Variants in NXN observed in about 807,000 individuals in gnomAD.
NXN encodes the protein nucleoredoxin 1.
In NXN, 16 loss-of-function variants were observed where a neutral mutation model predicts 48.6. The observed-to-expected ratio is 0.33, with a 90% CI of 0.22 to 0.50. NXN has a LOEUF of 0.50. Ranked by LOEUF, NXN falls within the 20% of genes least tolerant of loss-of-function variation. The probability of loss-of-function intolerance (pLI) is 0.98; values close to 1 mark genes in which losing one functional copy is unlikely to be tolerated. For synonymous variants in NXN, 281 were observed against 269.6 expected (o/e 1.04, Z -0.41); for missense variants, 492 against 605.5 (o/e 0.81, Z 1.97).
At chr17:869,101 C>G (rs986521099) in intron 1 of NXN, among the ~76,000 whole-genome samples, 3 of 152,190 alleles carry the variant, frequency 2.0e-5, no homozygotes, top group Non-Finnish European at 4.4e-5. Flanking sequence ...ACCCTCCACA[C>G]AGATGAACCT....
intron 5 of NXN, among the ~76,000 whole-genome samples, chr17:815,867 C>G (rs955824977): frequency 6.6e-6 from 1 of 152,220 alleles, no homozygotes; most frequent in Non-Finnish European, 1.5e-5. Context: ...TGTGCACACA[C>G]GTGCACACAC....
chr17:865,497 C>T (rs2068086350), intron 1 of NXN, among the ~76,000 whole-genome samples: 1 of 151,724 alleles, frequency 6.6e-6, no homozygotes, highest in South Asian at 2.1e-4. Context: ...CCACCTCGGC[C>T]TCCCACAGTG....
At chr17:976,222 T>A (rs1197450525) in intron 1 of NXN, among the ~76,000 whole-genome samples, 1 of 151,716 alleles carries the variant, frequency 6.6e-6, no homozygotes, top group Non-Finnish European at 1.5e-5. Flanking sequence ...ACAGTTCCTG[T>A]CAAGGTGAGA....
intron 1 of NXN, among the ~76,000 whole-genome samples, chr17:888,085 G>A (rs1016124233): frequency 6.6e-6 from 1 of 152,134 alleles, no homozygotes; most frequent in African/African-American, 2.4e-5. Context: ...GGGTTCATAC[G>A]ACACGGATGG....
intron 1 of NXN, among the ~76,000 whole-genome samples, chr17:895,863 T>C (rs1409182771): frequency 1.3e-5 from 2 of 151,832 alleles, no homozygotes; most frequent in Non-Finnish European, 2.9e-5. Context: ...TTAATTCTTC[T>C]CAACAATGTA....
chr17:857,622 T>C (rs1228801798), intron 1 of NXN, among the ~76,000 whole-genome samples: 1 of 152,214 alleles, frequency 6.6e-6, no homozygotes, highest in East Asian at 1.9e-4. Context: ...AAAACTACCG[T>C]GAAACCTTCA....
At chr17:972,827 C>T (rs933316861) in intron 1 of NXN, among the ~76,000 whole-genome samples, 1 of 152,078 alleles carries the variant, frequency 6.6e-6, no homozygotes, top group Non-Finnish European at 1.5e-5. Context: ...GTCAGGAGAT[C>T]GAGACCATCA....
chr17:802,705 C>G (rs1335647405), intron 7 of NXN, among the ~76,000 whole-genome samples: 1 of 152,164 alleles, frequency 6.6e-6, no homozygotes, highest in Non-Finnish European at 1.5e-5. Context: ...CCTCCACCCC[C>G]GGGCTGAGCA....
In NXN at chr17:825,937, C is replaced by A; in HGVS notation, c.478+24G>T. On this transcript the variant is annotated intron_variant, in intron 2 of 7. Transcript: ENST00000336868. The surrounding 1 kb of genome is among the most constrained non-coding windows in gnomAD (Gnocchi z 4.1). The stretch of plus-strand genomic sequence containing the variant: ...AGGGAGGGCTGGGTAATAAGAGGAC[C>A]ATATGCACGGGCTGAGGTTTTACCT... The A allele has an allele frequency of 6.8e-7, 1 of 1,464,986 alleles. No individual in the cohort carries two copies. Among genetic ancestry groups the A allele is most frequent in the South Asian group, 1.2e-5 (1 of 83,536 alleles). The allele number at this position is 1,464,986 out of a possible 1,614,324, so 90.7% of individuals were successfully genotyped here.
intron 1 of NXN, among the ~76,000 whole-genome samples, chr17:971,942 G>T (rs1178774127): frequency 1.3e-5 from 2 of 152,072 alleles, no homozygotes; most frequent in Non-Finnish European, 2.9e-5. Flanking sequence ...GAGGCGGGTG[G>T]ATCACCTGAG....
chr17:845,403 G>T (rs11652822), intron 1 of NXN, among the ~76,000 whole-genome samples: 4,889 of 151,790 alleles, frequency 0.032, 201 homozygotes, highest in East Asian at 0.22. Flanking sequence ...CAACATCCGA[G>T]AGAGAATTCC....
intron 1 of NXN, among the ~76,000 whole-genome samples, chr17:836,963 CTAT>C (rs5818770): frequency 4.6e-4 from 66 of 144,892 alleles, no homozygotes; most frequent in Non-Finnish European, 6.3e-4. Context: ...AGCTTAGTTG[CTAT>C]TATTATTATT....
chr17:876,099 T>C (rs145583729), intron 1 of NXN, among the ~76,000 whole-genome samples: 4,173 of 151,660 alleles, frequency 0.028, 70 homozygotes, highest in Non-Finnish European at 0.036. Context: ...GAGAATCGCT[T>C]GAACCTGGGG....
chr17:973,257 G>A (rs917059577), intron 1 of NXN, among the ~76,000 whole-genome samples: 4 of 152,160 alleles, frequency 2.6e-5, no homozygotes, highest in Non-Finnish European at 2.9e-5. Flanking sequence ...GAGCTGGGAC[G>A]GGAGGCAGGT....
At chr17:941,342 C>T (rs1386203932) in intron 1 of NXN, among the ~76,000 whole-genome samples, 2 of 149,148 alleles carry the variant, frequency 1.3e-5, no homozygotes, top group African/African-American at 2.5e-5. Context: ...ATTCACCACA[C>T]ACCTCCCTGG....
At chr17:853,265 G>A (rs2067944732) in intron 1 of NXN, among the ~76,000 whole-genome samples, 1 of 152,134 alleles carries the variant, frequency 6.6e-6, no homozygotes, top group Non-Finnish European at 1.5e-5. Flanking sequence ...CCAGCACGGT[G>A]AAACCTCGTC....
intron 1 of NXN, among the ~76,000 whole-genome samples, chr17:914,601 A>G (rs552422850): frequency 6.6e-6 from 1 of 152,360 alleles, no homozygotes; most frequent in Non-Finnish European, 1.5e-5. Context: ...ACACAATTCA[A>G]CAAACATGTA....
At chr17:971,620 G>A (rs1862044936) in intron 1 of NXN, among the ~76,000 whole-genome samples, 1 of 151,842 alleles carries the variant, frequency 6.6e-6, no homozygotes. Flanking sequence ...TGCGGCAGGA[G>A]AATGGCGTGA....
chr17:959,183 C>A, intron 1 of NXN: 3 of 982,066 alleles, frequency 3.1e-6, no homozygotes, highest in Non-Finnish European at 2.8e-6. Flanking sequence ...GGTTCCCCGC[C>A]ACGTACCAGT....
Sources: allele counts gnomAD v4.1 joint callset (sites outside exome capture counted in the v4.1 genomes callset), GRCh38; gene constraint gnomAD v4.1.1; non-coding constraint Gnocchi (gnomAD v3.1); transcripts MANE v1.5; gene names NCBI Gene and HGNC (gene_info 2026-07-23, HGNC 2026-07-21).